Variants in MAGI1 observed in about 807,000 individuals in gnomAD.
The protein encoded by MAGI1 is membrane-associated guanylate kinase, WW and PDZ domain-containing protein 1.
A neutral mutation model predicts 139.9 loss-of-function variants in MAGI1; 58 were observed. That is an observed-to-expected ratio of 0.41 (90% CI 0.34 to 0.52). The LOEUF (loss-of-function observed/expected upper bound fraction) is 0.52. Among genes scored for constraint, MAGI1 ranks in the 20% least tolerant of loss-of-function variants. MAGI1 has a pLI of 0.12. For missense variants in MAGI1, 1,874 were observed against 1,901.6 expected (o/e 0.99, Z 0.27); for synonymous variants, 812 against 737.9 (o/e 1.10, Z -1.63).
intron 14 of MAGI1, among the ~76,000 whole-genome samples, chr3:65,387,604 G>C (rs1428735583): frequency 6.6e-6 from 1 of 152,128 alleles, no homozygotes; most frequent in Non-Finnish European, 1.5e-5. Context: ...CTATACTACA[G>C]CATTTATTCA....
Position 65,470,333 on chromosome 3 carries a change from A to C in MAGI1, c.909T>G (p.Pro303=), listed in dbSNP as rs1575882655. 1 of 1,613,560 alleles carries C rather than the reference A, an allele frequency of 6.2e-7. No individual in the cohort carries two copies. The highest frequency in any genetic ancestry group is 2.2e-5 in the East Asian group (1 of 44,866). Residue 303 remains proline (P), a synonymous_variant, in exon 5 of 23, where the codon CCT becomes CCG. Coordinates refer to ENST00000402939, the MANE Select transcript of MAGI1 (RefSeq NM_001033057.2). ...LSAEDNLGPL[P]ENWEMAYTEN... is the part of the protein sequence containing the mutation. ...CAGTATAGGCCATCTCCCAGTTTTC[A>C]GGTAGAGGACCTAAATTATCCTCTG...
intron 2 of MAGI1, among the ~76,000 whole-genome samples, chr3:65,559,191 T>C (rs1361787110): frequency 6.6e-6 from 1 of 152,220 alleles, no homozygotes; most frequent in Non-Finnish European, 1.5e-5. Flanking sequence ...GCTGAGCATC[T>C]AAGGAAAATT....
At chr3:65,364,165 TAAAAAAAAAAA>T (rs555186167) in intron 20 of MAGI1, among the ~76,000 whole-genome samples, 2 of 89,422 alleles carry the variant, frequency 2.2e-5, no homozygotes, top group African/African-American at 4.5e-5. Flanking sequence ...CCCTGTCTCT[TAAAAAAAAAAA>T]AAAAAAAAAA....
At chr3:65,611,446 G>T (rs2083104437) in intron 2 of MAGI1, among the ~76,000 whole-genome samples, 1 of 143,066 alleles carries the variant, frequency 7.0e-6, no homozygotes. Flanking sequence ...AGTATATATA[G>T]TATACTGTTT....
At chr3:65,449,035 T>G (rs1948852504) in intron 6 of MAGI1, among the ~76,000 whole-genome samples, 1 of 148,502 alleles carries the variant, frequency 6.7e-6, no homozygotes, top group Non-Finnish European at 1.5e-5. Context: ...TAAATATTTC[T>G]TGATGAATGA....
chr3:65,725,781 G>A (rs956331563), intron 1 of MAGI1, among the ~76,000 whole-genome samples: 11 of 152,240 alleles, frequency 7.2e-5, no homozygotes, highest in East Asian at 5.8e-4. Context: ...AGTCTTAGCC[G>A]ATGATCAAAG....
At chr3:66,008,412 T>G (rs2067144216) in intron 1 of MAGI1, among the ~76,000 whole-genome samples, 1 of 152,048 alleles carries the variant, frequency 6.6e-6, no homozygotes, top group African/African-American at 2.4e-5. Flanking sequence ...CCTCCTCCAT[T>G]TAGTCTCTAA....
intron 1 of MAGI1, among the ~76,000 whole-genome samples, chr3:65,736,733 G>A (rs972386848): frequency 6.6e-6 from 1 of 152,182 alleles, no homozygotes. Flanking sequence ...GCAAAGGACT[G>A]GATGATGCCC....
At chr3:65,552,943 G>C (rs1010808096) in intron 2 of MAGI1, among the ~76,000 whole-genome samples, 13 of 152,172 alleles carry the variant, frequency 8.5e-5, no homozygotes, top group African/African-American at 3.1e-4. Context: ...TTCTCCAGGA[G>C]AGGGAATTAT....
intron 1 of MAGI1, among the ~76,000 whole-genome samples, chr3:65,863,232 C>A (rs568361915): frequency 1.3e-5 from 2 of 152,194 alleles, no homozygotes; most frequent in Admixed American, 6.5e-5. Context: ...GTTACCATGT[C>A]TTCTGGCTAC....
intron 1 of MAGI1, among the ~76,000 whole-genome samples, chr3:65,981,151 C>CA (rs11429632): frequency 0.54 from 69,949 of 129,108 alleles, 19,450 homozygotes; most frequent in East Asian, 0.64. Context: ...GACTCCATCT[C>CA]AAAAAAAAAA....
At chr3:65,453,424 T>C (rs1575804265) in intron 5 of MAGI1, 84 bp from the exon 6 acceptor site, 1 of 963,236 alleles carries the variant, frequency 1.0e-6, no homozygotes, top group African/African-American at 1.6e-5. Flanking sequence ...TACACACTCT[T>C]GAATATTTCT....
intron 13 of MAGI1, among the ~76,000 whole-genome samples, chr3:65,400,003 G>C (rs1944725752): frequency 6.6e-6 from 1 of 152,122 alleles, no homozygotes; most frequent in South Asian, 2.1e-4. Flanking sequence ...ACATAGCATG[G>C]CTGGGGTTGG....
chr3:65,489,964 C>A lies in MAGI1; in HGVS notation c.550+3548G>T, dbSNP rs1951888574. Among the ~76,000 whole-genome samples the A allele has an allele frequency of 2.0e-5, 3 of 152,126 alleles. No homozygotes were observed. In the South Asian group the frequency reaches 6.2e-4, roughly 32 times the overall value. On this transcript the variant is annotated intron_variant, in intron 3 of 22. Coordinates refer to ENST00000402939, the MANE Select transcript of MAGI1 (RefSeq NM_001033057.2). ...TGTGTTGTTGTGGTAGACTTTTCCT[C>A]TCTGGAACCAGCAGAGGTCTGGAGA...
chr3:65,807,614 C>T (rs935887517), intron 1 of MAGI1, among the ~76,000 whole-genome samples: 3 of 152,146 alleles, frequency 2.0e-5, no homozygotes, highest in Non-Finnish European at 2.9e-5. Context: ...CTCCACCACA[C>T]AGAGAATTAT....
chr3:65,914,276 G>A (rs1207291352), intron 1 of MAGI1: 1 of 152,144 alleles, frequency 6.6e-6, no homozygotes, highest in East Asian at 1.9e-4. Flanking sequence ...TCAACTCTCT[G>A]TTGCATAGTG....
At chr3:65,926,531 T>C (rs192462111) in intron 1 of MAGI1, among the ~76,000 whole-genome samples, 2 of 152,188 alleles carry the variant, frequency 1.3e-5, no homozygotes, top group Admixed American at 1.3e-4. Flanking sequence ...CAGCACAAGA[T>C]ACAGGTAATA....
chr3:66,022,954 GC>G (rs1162794130), intron 1 of MAGI1, among the ~76,000 whole-genome samples: 2 of 152,108 alleles, frequency 1.3e-5, no homozygotes, highest in African/African-American at 4.8e-5. Context: ...ACCTGGGATC[GC>G]CCAGCCTGAA....
intron 1 of MAGI1, among the ~76,000 whole-genome samples, chr3:65,900,606 G>T (rs952733364): frequency 1.2e-4 from 19 of 152,156 alleles, no homozygotes; most frequent in Non-Finnish European, 1.6e-4. Flanking sequence ...CGTGAAGAGG[G>T]AGTTAGTAAG....
Sources: gnomAD v4.1 joint callset for allele counts (sites outside exome capture counted in the v4.1 genomes callset) on GRCh38, gnomAD v4.1.1 for gene constraint, MANE v1.5 for transcripts, NCBI Gene and HGNC (gene_info 2026-07-23, HGNC 2026-07-21) for gene names.